The following PHGDH variants were observed in gnomAD, a reference collection of about 807,000 sequenced individuals.
PHGDH encodes the protein D-3-phosphoglycerate dehydrogenase.
A neutral mutation model predicts 52.6 loss-of-function variants in PHGDH; 50 were observed. That is an observed-to-expected ratio of 0.95 (90% CI 0.76 to 1.20). The LOEUF (loss-of-function observed/expected upper bound fraction) is 1.20, where lower values mean the gene tolerates loss of function less well. PHGDH is among the 50% of genes most tolerant of loss of function. The pLI is 0.00. For synonymous variants in PHGDH, 271 were observed against 280.5 expected (o/e 0.97, Z 0.34); for missense variants, 630 against 684.6 (o/e 0.92, Z 0.89).
chr1:119,739,338 C>G (rs1652084246), intron 8 of PHGDH: 1 of 152,340 alleles, frequency 6.6e-6, no homozygotes, highest in Admixed American at 6.5e-5. Flanking sequence ...GCAGTGGCAG[C>G]ATGGTGCTCC....
chr1:119,740,267 C>T (rs1289892526), intron 8 of PHGDH, 119 bp from the exon 9 acceptor site: 4 of 1,000,770 alleles, frequency 4.0e-6, no homozygotes, highest in Non-Finnish European at 6.2e-6. Flanking sequence ...CACCAGGCAC[C>T]AAGGCAGGAG....
chr1:119,712,537 A>G (rs1405578427), intron 1 of PHGDH: 1 of 302,616 alleles, frequency 3.3e-6, no homozygotes, highest in East Asian at 9.1e-5. Context: ...CTCTCCCCCA[A>G]CCCCCAACCG....
chr1:119,739,745 C>G (rs587665355), intron 8 of PHGDH: 1 of 152,586 alleles, frequency 6.6e-6, no homozygotes, highest in African/African-American at 2.4e-5. Context: ...CCAGAACAAG[C>G]TGGTTCTGTT....
At chr1:119,739,451 TCACCTCCCA>T (rs1652089577) in intron 8 of PHGDH, 1 of 152,050 alleles carries the variant, frequency 6.6e-6, no homozygotes, top group African/African-American at 2.4e-5. Flanking sequence ...TGCAGACCTG[TCACCTCCCA>T]CACTGGAGAG....
At chr1:119,739,159 C>CA in intron 8 of PHGDH, among the ~76,000 whole-genome samples, 1 of 152,216 alleles carries the variant, frequency 6.6e-6, no homozygotes, top group Admixed American at 6.5e-5. Flanking sequence ...CCCACCTGTC[C>CA]ACCAGGGAAG....
chr1:119,726,966 T>C (rs1188679504), intron 4 of PHGDH, 38 bp from the exon 5 acceptor site: 1 of 1,606,646 alleles, frequency 6.2e-7, no homozygotes, highest in African/African-American at 1.3e-5. Context: ...CTCATGTTGC[T>C]GACTTCAGCT....
At chr1:119,738,968 A>G (rs1460096937) in intron 8 of PHGDH, among the ~76,000 whole-genome samples, 1 of 152,256 alleles carries the variant, frequency 6.6e-6, no homozygotes, top group African/African-American at 2.4e-5. Context: ...CTGTTCACCC[A>G]CATCAGCAAA....
At chr1:119,737,337 G>C (rs1651989074) in intron 8 of PHGDH, 71 bp downstream of exon 8, 1 of 1,324,550 alleles carries the variant, frequency 7.5e-7, no homozygotes, top group Admixed American at 1.8e-5. Flanking sequence ...TCTTGTAGGG[G>C]CTGGTGGCAG....
At chr1:119,717,232 C>CA (rs58549149) in intron 1 of PHGDH, among the ~76,000 whole-genome samples, 1,335 of 37,248 alleles carry the variant, frequency 0.036, 336 homozygotes, top group African/African-American at 0.11. Context: ...AACTCTGTCT[C>CA]AAAAAAAAAA....
chr1:119,738,403 G>A (rs1479611156), intron 8 of PHGDH, among the ~76,000 whole-genome samples: 1 of 152,212 alleles, frequency 6.6e-6, no homozygotes, highest in Non-Finnish European at 1.5e-5. Flanking sequence ...ACAGTCCATG[G>A]AAGTCAGCAG....
At chr1:119,742,637 C>T (rs747757718) in intron 10 of PHGDH, 170 bp from the exon 11 acceptor site, 15 of 651,152 alleles carry the variant, frequency 2.3e-5, no homozygotes, top group African/African-American at 7.2e-5. Flanking sequence ...AAGCTGATGC[C>T]GAAGGGCACA....
intron 10 of PHGDH, chr1:119,742,237 C>T (rs1195145311): frequency 2.5e-6 from 1 of 398,878 alleles, no homozygotes; most frequent in Non-Finnish European, 4.7e-6. Context: ...CCTCAGGGCT[C>T]CTCATGCCGT....
intron 7 of PHGDH, among the ~76,000 whole-genome samples, chr1:119,736,856 C>T (rs1339128189): frequency 6.6e-6 from 1 of 152,248 alleles, no homozygotes; most frequent in Non-Finnish European, 1.5e-5. Context: ...TCAAGGTTCA[C>T]CCCCAAGGCA....
rs770036497 is a variant in PHGDH at position 119,727,102 on chromosome 1, G to T, written c.510G>T (p.Lys170Asn). 1 of 1,571,212 alleles carries T rather than the reference G, an allele frequency of 6.4e-7. No homozygotes were observed. ...VATRMQSFGM[K>N]TIGYDPIISP... is the part of the protein sequence containing the mutation. ...CCCGGATGCAGTCCTTTGGGATGAA[G>T]GTAAGATGTTGCTGGAACCCTGTGA... The change falls in exon 5 of 12, where the codon AAG (lysine) becomes AAT (asparagine). Residue 170 changes from lysine (K) to asparagine (N), a missense_variant and splice_region_variant. Physicochemically the swap from Lys to Asn is moderately conservative, Grantham distance 94. Transcript: ENST00000641023.
intron 2 of PHGDH, among the ~76,000 whole-genome samples, chr1:119,722,283 G>A (rs587667078): frequency 4.6e-5 from 7 of 152,212 alleles, no homozygotes; most frequent in East Asian, 3.9e-4. Flanking sequence ...CTGAGAGTCC[G>A]TTTATCTTAT....
chr1:119,733,538 G>A (rs1415145546), intron 5 of PHGDH, among the ~76,000 whole-genome samples: 1 of 150,034 alleles, frequency 6.7e-6, no homozygotes, highest in African/African-American at 2.5e-5. Flanking sequence ...GTCTGACTAT[G>A]TTTCTCCAGC....
intron 2 of PHGDH, 101 bp downstream of exon 2, chr1:119,721,422 A>G: frequency 1.7e-6 from 2 of 1,175,744 alleles, no homozygotes; most frequent in South Asian, 1.4e-5. Flanking sequence ...AGCTGAGTCC[A>G]TTGGAAGGGC....
At chr1:119,713,143 G>C (rs1159720328) in intron 1 of PHGDH, 2 of 152,286 alleles carry the variant, frequency 1.3e-5, no homozygotes, top group Non-Finnish European at 2.9e-5. Context: ...CTCTGTAGTC[G>C]ACCCAGCTGC....
At chr1:119,720,099 GC>G (rs1253380628) in intron 1 of PHGDH, 1 of 152,130 alleles carries the variant, frequency 6.6e-6, no homozygotes, top group Non-Finnish European at 1.5e-5. Context: ...TTGCTCACCT[GC>G]CCCATTTCTT....
Sources: gnomAD v4.1 joint callset for allele counts (sites outside exome capture counted in the v4.1 genomes callset) on GRCh38, gnomAD v4.1.1 for gene constraint, MANE v1.5 for transcripts, NCBI Gene and HGNC (gene_info 2026-07-23, HGNC 2026-07-21) for gene names.